EHD4: variants seen among roughly 807,000 people sequenced by gnomAD.
EHD4 encodes EH domain-containing protein 4.
EHD4 carries 37 observed loss-of-function variants against 51.0 expected under a neutral mutation model. The ratio of observed to expected loss-of-function variants is 0.73; its 90% CI spans 0.56 to 0.95. EHD4 has a LOEUF of 0.95. Ranked by LOEUF, EHD4 falls within the 40% of genes least tolerant of loss-of-function variation. The pLI, the probability that EHD4 is intolerant of heterozygous loss-of-function variation, is 0.00. For synonymous variants in EHD4, 297 were observed against 317.3 expected, an observed-to-expected ratio of 0.94 and a Z score of 0.68; for missense variants, 632 against 733.1, an observed-to-expected ratio of 0.86 and a Z score of 1.59.
intron 5 of EHD4, among the ~76,000 whole-genome samples, chr15:41,905,643 G>C (rs2067507273): frequency 6.6e-6 from 1 of 152,176 alleles, no homozygotes; most frequent in African/African-American, 2.4e-5. Flanking sequence ...TTACAGTGGG[G>C]TTGCTGTCAA....
chr15:41,955,047 G>A (rs1257658351), intron 1 of EHD4, among the ~76,000 whole-genome samples: 2 of 152,130 alleles, frequency 1.3e-5, no homozygotes, highest in Non-Finnish European at 2.9e-5. Flanking sequence ...TGGCACCCCA[G>A]AATAGATACA....
intron 5 of EHD4, among the ~76,000 whole-genome samples, chr15:41,907,982 C>T (rs1015355236): frequency 6.6e-6 from 1 of 152,036 alleles, no homozygotes; most frequent in Non-Finnish European, 1.5e-5. Flanking sequence ...AACAAATTCT[C>T]CTGCCTCAGC....
At chr15:41,917,886 G>A (rs935400898) in intron 4 of EHD4, among the ~76,000 whole-genome samples, 1 of 152,200 alleles carries the variant, frequency 6.6e-6, no homozygotes, top group Admixed American at 6.5e-5. Context: ...CACCACTGCA[G>A]GTTAGCTGAG....
intron 5 of EHD4, 152 bp downstream of exon 5, chr15:41,909,547 A>T: frequency 1.1e-6 from 1 of 934,628 alleles, no homozygotes; most frequent in East Asian, 2.4e-5. Flanking sequence ...TTTCTGCTTT[A>T]TTCATAGCCT....
rs79825770 is a variant in EHD4 at position 41,925,659 on chromosome 15, C to T, written c.512-6037G>A. Among the ~76,000 whole-genome samples the T allele has an allele frequency of 6.2e-3, 947 of 152,238 alleles. 8 individuals are homozygous for T. The highest frequency in any genetic ancestry group is 0.022 in the African/African-American group (902 of 41,530). ...GAACAAAAAAGAGATGTAATCAGTC[C>T]AGTTGTTTCAAAATATAGTTTCTTT... On this transcript the variant is annotated intron_variant, in intron 3 of 5. Coordinates refer to ENST00000220325, the MANE Select transcript of EHD4 (RefSeq NM_139265.4).
intron 4 of EHD4, among the ~76,000 whole-genome samples, chr15:41,912,287 T>G (rs1387160625): frequency 6.6e-6 from 1 of 152,128 alleles, no homozygotes; most frequent in East Asian, 1.9e-4. Context: ...TTAGCGAGGT[T>G]TGTGGAAGTC....
At chr15:41,909,985 A>C in intron 4 of EHD4, 122 bp from the exon 5 acceptor site, 2 of 1,280,206 alleles carry the variant, frequency 1.6e-6, no homozygotes, top group South Asian at 1.4e-5. Flanking sequence ...CCAGGTCCCA[A>C]GGACAGGAGG....
chr15:41,941,520 C>A (rs564868981), intron 3 of EHD4: 2 of 150,844 alleles, frequency 1.3e-5, no homozygotes, highest in African/African-American at 4.9e-5. Context: ...AACATCTATA[C>A]TTTTATAATA....
At chr15:41,968,853 C>G (rs2067978366) in intron 1 of EHD4, among the ~76,000 whole-genome samples, 1 of 152,160 alleles carries the variant, frequency 6.6e-6, no homozygotes, top group South Asian at 2.1e-4. Flanking sequence ...AGTATATTCA[C>G]AAAGTTGTGC....
intron 3 of EHD4, among the ~76,000 whole-genome samples, chr15:41,923,862 G>A (rs567478527): frequency 4.2e-4 from 64 of 152,302 alleles, no homozygotes; most frequent in Admixed American, 1.2e-3. Context: ...ACTCACCCAA[G>A]CTCCCTGCTT....
rs767381628 is a variant in EHD4, at chr15:41,919,239, C to T, written c.895G>A (p.Asp299Asn). The part of the protein sequence containing the change: ...PQKAAVRKLN[D>N]LIKRARLAKV... ...GCCAGCCTCGCTCGCTTGATGAGGT[C>T]GTTGAGCTTGCGCACCGCTGCCTTC... The change falls in exon 4 of 6, where the codon GAC (aspartate) becomes AAC (asparagine). Residue 299 changes from aspartate (D) to asparagine (N), a missense_variant. Coordinates refer to ENST00000220325, the MANE Select transcript of EHD4 (RefSeq NM_139265.4). The T allele has an allele frequency of 3.1e-6, 5 of 1,613,956 alleles. No homozygotes were observed. Among genetic ancestry groups the T allele is most frequent in the African/African-American group, 1.3e-5 (1 of 74,934 alleles).
intron 1 of EHD4, among the ~76,000 whole-genome samples, chr15:41,959,904 A>G (rs1452571224): frequency 6.7e-6 from 1 of 148,260 alleles, no homozygotes; most frequent in Non-Finnish European, 1.5e-5. Flanking sequence ...TGGGAGGCGG[A>G]GGTTGCAGTG....
At chr15:41,931,061 A>ATTCCAAAATTCCACCTCTAGGAATG in intron 3 of EHD4, among the ~76,000 whole-genome samples, 1 of 152,174 alleles carries the variant, frequency 6.6e-6, no homozygotes, top group South Asian at 2.1e-4. Flanking sequence ...TAATAAAAAG[A>ATTCCAAAATTCCACCTCTAGGAATG]CCGCCGCTCC....
intron 2 of EHD4, among the ~76,000 whole-genome samples, chr15:41,952,102 A>C (rs1359988950): frequency 6.6e-6 from 1 of 152,248 alleles, no homozygotes; most frequent in Admixed American, 6.5e-5. Context: ...CATCTTCCAC[A>C]GAAGGCACCT....
At chr15:41,942,839 C>G (rs1170600522) in intron 3 of EHD4, 3 of 455,150 alleles carry the variant, frequency 6.6e-6, no homozygotes, top group Non-Finnish European at 1.2e-5. Context: ...TCCTCATCTT[C>G]ATTTACTCAT....
intron 3 of EHD4, among the ~76,000 whole-genome samples, chr15:41,927,730 T>C (rs145814690): frequency 6.6e-6 from 1 of 152,270 alleles, no homozygotes; most frequent in African/African-American, 2.4e-5. Context: ...GCATAAAATT[T>C]CAGTTAGGCA....
At chr15:41,963,394 T>A (rs1488679847) in intron 1 of EHD4, among the ~76,000 whole-genome samples, 1 of 151,558 alleles carries the variant, frequency 6.6e-6, no homozygotes, top group Non-Finnish European at 1.5e-5. Flanking sequence ...AGGTCAGGTG[T>A]TCGAGACCAG....
In EHD4 at chr15:41,957,918, C is replaced by T. The variant is rs147332979; in HGVS notation, c.237-3978G>A. Reference sequence around the variant, plus strand: ...GGGAGAATGAAGTGATGGATCCACACACAGCAAGCTGGAAGGGAAGAGTCT... The same window carrying T: ...GGGAGAATGAAGTGATGGATCCACATACAGCAAGCTGGAAGGGAAGAGTCT... On this transcript the variant is annotated intron_variant, in intron 1 of 5. Coordinates refer to ENST00000220325, the MANE Select transcript of EHD4 (RefSeq NM_139265.4). Among the ~76,000 whole-genome samples, 473 of 152,242 alleles carry T rather than the reference C, an allele frequency of 3.1e-3. 12 individuals are homozygous for T. The highest frequency in any genetic ancestry group is 9.3e-4 in the Non-Finnish European group (63 of 68,032).
intron 1 of EHD4, among the ~76,000 whole-genome samples, chr15:41,964,482 T>C (rs2067948834): frequency 6.6e-6 from 1 of 151,910 alleles, no homozygotes; most frequent in Admixed American, 6.6e-5. Flanking sequence ...GCAATGTACC[T>C]GTAGTCCCAG....
Sources: gnomAD v4.1 joint callset for allele counts (sites outside exome capture counted in the v4.1 genomes callset) on GRCh38, gnomAD v4.1.1 for gene constraint, MANE v1.5 for transcripts, NCBI Gene and HGNC (gene_info 2026-07-23, HGNC 2026-07-21) for gene names.